The following MSN variants were observed in gnomAD, a reference collection of about 807,000 sequenced individuals.
MSN encodes the protein moesin.
A neutral mutation model predicts 48.0 loss-of-function variants in MSN; 2 were observed. That is an observed-to-expected ratio of 0.04 (90% confidence interval 0.02 to 0.13). The LOEUF is 0.13. MSN is among the 10% of genes least tolerant of loss of function. The pLI is 1.00. For missense variants in MSN, 267 were observed against 470.1 expected (o/e 0.57, Z 3.99); for synonymous variants, 146 against 166.9 (o/e 0.87, Z 0.97).
chrX:65,604,981 C>T (rs1044100289), intron 1 of MSN, among the ~76,000 whole-genome samples: 2 of 111,992 alleles, frequency 1.8e-5, no homozygotes, highest in Non-Finnish European at 3.8e-5. Context: ...TTCCTCTGTT[C>T]GCACCTAGCC....
intron 1 of MSN, among the ~76,000 whole-genome samples, chrX:65,696,983 T>C (rs1361938678): frequency 4.5e-5 from 5 of 110,225 alleles, no homozygotes; most frequent in Non-Finnish European, 9.5e-5. Context: ...AGGAAGGCGG[T>C]CATACAAAAA....
intron 1 of MSN, among the ~76,000 whole-genome samples, chrX:65,705,700 C>T (rs2071355351): frequency 8.9e-6 from 1 of 112,016 alleles, no homozygotes; most frequent in African/African-American, 3.2e-5. Flanking sequence ...CCATTGCTAA[C>T]CCTCACACAT....
intron 1 of MSN, among the ~76,000 whole-genome samples, chrX:65,694,369 G>A (rs1452736651): frequency 1.9e-5 from 2 of 104,810 alleles, no homozygotes; most frequent in Non-Finnish European, 3.9e-5. Context: ...TCTGTCTGTC[G>A]CCCAGGCTGG....
chrX:65,729,056 A>T (rs997257913), intron 3 of MSN, among the ~76,000 whole-genome samples: 2 of 112,039 alleles, frequency 1.8e-5, no homozygotes, highest in Non-Finnish European at 1.9e-5. Flanking sequence ...CAGTCCTCAG[A>T]CATATATCCT....
At chrX:65,667,480 G>A (rs1427741729), upstream of MSN, among the ~76,000 whole-genome samples, 2 of 110,454 alleles carry the variant, frequency 1.8e-5, no homozygotes, top group African/African-American at 3.3e-5. Context: ...AGCTACCCTA[G>A]GTCCGCCCGG....
At chrX:65,738,642 G>A (rs1358530834) in intron 11 of MSN, 25 bp downstream of exon 11, 1 of 1,168,635 alleles carries the variant, frequency 8.6e-7, no homozygotes, top group Non-Finnish European at 1.2e-6. Flanking sequence ...CTAAAGCAAA[G>A]CATTGAAGGA....
chrX:65,666,940 T>G (rs2070876803), upstream of MSN, among the ~76,000 whole-genome samples: 1 of 111,290 alleles, frequency 9.0e-6, no homozygotes, highest in Admixed American at 9.5e-5. Context: ...AGAAAGTGAA[T>G]GTACTGGGAG....
chrX:65,738,476 C>A (rs753170348), intron 10 of MSN, 49 bp from the exon 11 acceptor site: 2 of 1,126,785 alleles, frequency 1.8e-6, no homozygotes, highest in South Asian at 3.9e-5. Flanking sequence ...ACACCTGGGT[C>A]CTGAGGACCA....
intron 1 of MSN, among the ~76,000 whole-genome samples, chrX:65,602,813 A>G (rs1313834256): frequency 8.9e-6 from 1 of 112,261 alleles, no homozygotes; most frequent in Non-Finnish European, 1.9e-5. Flanking sequence ...GATAAATGGC[A>G]GTTCTAATTA....
intron 1 of MSN, among the ~76,000 whole-genome samples, chrX:65,622,016 T>C (rs990721133): frequency 2.7e-5 from 3 of 111,695 alleles, no homozygotes; most frequent in African/African-American, 9.7e-5. Flanking sequence ...ATAGCTTTTG[T>C]TGTGGATTAT....
chrX:65,701,071 A>C (rs1297543286), intron 1 of MSN, among the ~76,000 whole-genome samples: 2 of 112,185 alleles, frequency 1.8e-5, no homozygotes, highest in African/African-American at 6.5e-5. Context: ...AAGAGCATCA[A>C]GGAAAGAGAG....
chrX:65,640,035 A>G (rs5964995), intron 1 of MSN, among the ~76,000 whole-genome samples: 25,011 of 110,678 alleles, frequency 0.23, 6,676 homozygotes, highest in African/African-American at 0.8. Context: ...GGTGACAATC[A>G]TAAAGAACAC....
At chrX:65,607,408 C>T (rs1408069797) in intron 1 of MSN, among the ~76,000 whole-genome samples, 2 of 111,656 alleles carry the variant, frequency 1.8e-5, no homozygotes, top group Non-Finnish European at 3.8e-5. Flanking sequence ...GATATAACCC[C>T]GATGTACTCT....
rs7891236 is a variant in MSN at position 65,705,203 on chromosome X, C to A, written c.13-11615C>A. ...AAGGTTCGAATCGAGTGATCTCTGA[C>A]GTCTTTTTCAGGTCTGACAGTTTGG... On this transcript the variant is annotated intron_variant, in intron 1 of 12. Transcript: ENST00000360270. 3.5e-4 allele frequency among the ~76,000 whole-genome samples: 39 copies of A among 111,211 alleles called. 1 individual carries two copies. Among genetic ancestry groups the A allele is most frequent in the Non-Finnish European group, 5.8e-4 (31 of 53,149 alleles).
intron 1 of MSN, among the ~76,000 whole-genome samples, chrX:65,617,606 T>C (rs2070387846): frequency 9.6e-6 from 1 of 104,507 alleles, no homozygotes; most frequent in African/African-American, 3.7e-5. Flanking sequence ...TTTTTTTCTT[T>C]ATTAGTCTTG....
At chrX:65,732,188 A>G (rs1014950015) in intron 6 of MSN, among the ~76,000 whole-genome samples, 1 of 111,752 alleles carries the variant, frequency 8.9e-6, no homozygotes, top group African/African-American at 3.3e-5. Flanking sequence ...TATGGTAGCC[A>G]CCAGCCACAT....
upstream of MSN, among the ~76,000 whole-genome samples, chrX:65,666,752 CACTCAGCCTAAA>C (rs2070875324): frequency 9.0e-6 from 1 of 111,547 alleles, no homozygotes; most frequent in Non-Finnish European, 1.9e-5. Flanking sequence ...TGAGCCACCG[CACTCAGCCTAAA>C]ACTCAGACTT....
At chrX:65,655,082 G>C (rs1024265370) in intron 1 of MSN, among the ~76,000 whole-genome samples, 1 of 111,073 alleles carries the variant, frequency 9.0e-6, no homozygotes, top group Non-Finnish European at 1.9e-5. Context: ...GCCTAGTACA[G>C]TGCCTTTTGT....
At chrX:65,589,387 T>C (rs1431115749) in intron 1 of MSN, among the ~76,000 whole-genome samples, 1 of 111,964 alleles carries the variant, frequency 8.9e-6, no homozygotes, top group Non-Finnish European at 1.9e-5. Context: ...CATCTGTTTC[T>C]AGGCTAGGCT....
Sources: allele counts gnomAD v4.1 joint callset (sites outside exome capture counted in the v4.1 genomes callset), GRCh38; gene constraint gnomAD v4.1.1; transcripts MANE v1.5; gene names NCBI Gene and HGNC (gene_info 2026-07-23, HGNC 2026-07-21).